The following FNBP1L variants were observed in gnomAD, a reference collection of about 807,000 sequenced individuals.
FNBP1L encodes formin binding protein 1 like, also known as formin-binding protein 1-like.
FNBP1L carries 36 observed loss-of-function variants against 91.2 expected under a neutral mutation model. That is an observed-to-expected ratio of 0.39 (90% CI 0.30 to 0.52). The LOEUF (loss-of-function observed/expected upper bound fraction) is 0.52. FNBP1L is among the 20% of genes least tolerant of loss of function. The probability of loss-of-function intolerance (pLI) is 0.66; values close to 1 mark genes in which losing one functional copy is unlikely to be tolerated. For synonymous variants in FNBP1L, 242 were observed against 237.0 expected, an observed-to-expected ratio of 1.02 and a Z score of -0.19; for missense variants, 571 against 732.1, an observed-to-expected ratio of 0.78 and a Z score of 2.54.
intron 1 of FNBP1L, among the ~76,000 whole-genome samples, chr1:93,461,970 C>T (rs374562219): frequency 6.6e-6 from 1 of 152,194 alleles, no homozygotes; most frequent in Non-Finnish European, 1.5e-5. Flanking sequence ...TGGACCACTT[C>T]TTACTTGTCA....
intron 14 of FNBP1L, 56 bp downstream of exon 14, chr1:93,547,497 G>T: frequency 7.1e-7 from 1 of 1,416,194 alleles, no homozygotes; most frequent in Non-Finnish European, 9.7e-7. Flanking sequence ...TCACCCTTTT[G>T]TCCTAAACTT....
chr1:93,545,189 C>CA (rs1362279968), intron 12 of FNBP1L, among the ~76,000 whole-genome samples: 1 of 152,064 alleles, frequency 6.6e-6, no homozygotes, highest in African/African-American at 2.4e-5. Flanking sequence ...GAACACTAGA[C>CA]AGCACTTGAT....
chr1:93,523,265 G>C, intron 3 of FNBP1L, 79 bp from the exon 4 acceptor site: 2 of 1,394,810 alleles, frequency 1.4e-6, no homozygotes, highest in South Asian at 1.7e-5. Context: ...TTTGCGAAAT[G>C]TTAGATTCAG....
At chr1:93,507,379 A>G (rs946564514) in intron 2 of FNBP1L, among the ~76,000 whole-genome samples, 7 of 152,150 alleles carry the variant, frequency 4.6e-5, no homozygotes, top group Non-Finnish European at 1.0e-4. Context: ...TAGGGGAAGT[A>G]ACATTAAGGG....
At chr1:93,469,470 CT>C (rs1337419661) in intron 1 of FNBP1L, among the ~76,000 whole-genome samples, 3 of 152,100 alleles carry the variant, frequency 2.0e-5, no homozygotes, top group Non-Finnish European at 4.4e-5. Flanking sequence ...GCCACATTAT[CT>C]TTATCCAGTC....
intron 2 of FNBP1L, among the ~76,000 whole-genome samples, chr1:93,502,943 T>C (rs553902783): frequency 7.9e-5 from 12 of 152,330 alleles, no homozygotes; most frequent in African/African-American, 2.4e-4. Flanking sequence ...ATAGTATGTC[T>C]TTTATCCAAA....
chr1:93,471,693 A>G (rs1669294382), intron 1 of FNBP1L, among the ~76,000 whole-genome samples: 1 of 152,212 alleles, frequency 6.6e-6, no homozygotes, highest in African/African-American at 2.4e-5. Flanking sequence ...ACCCTGCCTC[A>G]AAAAACAAAA....
intron 1 of FNBP1L, among the ~76,000 whole-genome samples, chr1:93,477,669 G>A (rs566895734): frequency 3.3e-5 from 5 of 152,222 alleles, no homozygotes; most frequent in African/African-American, 1.2e-4. Flanking sequence ...GAATTAAAAG[G>A]AAGAGATTAT....
rs1672495517 is a variant in FNBP1L, at chr1:93,553,917, G to C, written c.*1501G>C. ...GGGGAGAAAGAACGTGAAATGGTTT[G>C]TGTATTATTGAATTTTAAGCAATAT... On this transcript the variant is annotated 3_prime_UTR_variant, in exon 17 of 17. Transcript: ENST00000271234. 1 of 152,554 alleles carries C rather than the reference G, an allele frequency of 6.6e-6. No homozygotes were observed. Among genetic ancestry groups the C allele is most frequent in the African/African-American group, 2.4e-5 (1 of 41,420 alleles). The allele number at this position is 152,554 out of a possible 1,614,324, so 9.5% of individuals were successfully genotyped here. A position where few individuals can be genotyped will look rare whatever the true frequency, so the allele number is the denominator to read the frequency against.
intron 14 of FNBP1L, 144 bp from the exon 15 acceptor site, chr1:93,549,134 C>T: frequency 1.8e-6 from 1 of 552,140 alleles, no homozygotes; most frequent in Non-Finnish European, 2.9e-6. Context: ...GTATACTTGA[C>T]ATTTGAAAAA....
intron 1 of FNBP1L, among the ~76,000 whole-genome samples, chr1:93,450,680 T>C (rs896162438): frequency 1.3e-5 from 2 of 152,224 alleles, no homozygotes; most frequent in Non-Finnish European, 2.9e-5. Flanking sequence ...CTCTCGAAAT[T>C]TTGGATTTAG....
At chr1:93,505,119 T>A (rs370019835) in intron 2 of FNBP1L, among the ~76,000 whole-genome samples, 1 of 150,302 alleles carries the variant, frequency 6.7e-6, no homozygotes, top group East Asian at 1.9e-4. Context: ...TCTTTTTTTT[T>A]TTTTTTTTTG....
chr1:93,477,414 C>T (rs961875839), intron 1 of FNBP1L, among the ~76,000 whole-genome samples: 1 of 152,108 alleles, frequency 6.6e-6, no homozygotes, highest in Non-Finnish European at 1.5e-5. Context: ...GAATGTAAAC[C>T]TATTTAGATT....
intron 15 of FNBP1L, among the ~76,000 whole-genome samples, chr1:93,550,182 T>C (rs918082880): frequency 6.6e-6 from 1 of 152,146 alleles, no homozygotes; most frequent in Non-Finnish European, 1.5e-5. Flanking sequence ...TTAGAAAATA[T>C]ATTAAATTTA....
intron 7 of FNBP1L, among the ~76,000 whole-genome samples, chr1:93,532,218 C>T (rs1285329572): frequency 2.0e-5 from 3 of 152,082 alleles, no homozygotes; most frequent in Non-Finnish European, 4.4e-5. Context: ...CCTGTAATCC[C>T]AGCACTTTGG....
intron 2 of FNBP1L, among the ~76,000 whole-genome samples, chr1:93,517,946 T>C (rs547407510): frequency 1.6e-4 from 25 of 152,340 alleles, no homozygotes; most frequent in Non-Finnish European, 3.2e-4. Context: ...GCTAATAATA[T>C]CTGCTTGCAG....
chr1:93,453,511 C>T (rs961185452), intron 1 of FNBP1L, among the ~76,000 whole-genome samples: 16 of 152,018 alleles, frequency 1.1e-4, no homozygotes, highest in African/African-American at 3.9e-4. Flanking sequence ...CAACTTTTTC[C>T]TCTGTCAGCT....
At chr1:93,484,969 A>G (rs1046521686) in intron 1 of FNBP1L, among the ~76,000 whole-genome samples, 1 of 152,172 alleles carries the variant, frequency 6.6e-6, no homozygotes, top group African/African-American at 2.4e-5. Flanking sequence ...CCTAGCCAAC[A>G]TAGCAAGACA....
intron 1 of FNBP1L, among the ~76,000 whole-genome samples, chr1:93,450,140 T>C (rs1668440105): frequency 6.6e-6 from 1 of 152,144 alleles, no homozygotes; most frequent in Non-Finnish European, 1.5e-5. Context: ...GAAAAACATT[T>C]TAGTGAATAA....
Sources: allele counts gnomAD v4.1 joint callset (sites outside exome capture counted in the v4.1 genomes callset), GRCh38; gene constraint gnomAD v4.1.1; transcripts MANE v1.5; gene names NCBI Gene and HGNC (gene_info 2026-07-23, HGNC 2026-07-21).